DMBT1: variants seen among roughly 807,000 people sequenced by gnomAD.
DMBT1 encodes scavenger receptor cysteine-rich domain-containing protein DMBT1.
In DMBT1, 198 loss-of-function variants were observed where a neutral mutation model predicts 252.9. That is an observed-to-expected ratio of 0.78 (90% CI 0.70 to 0.88). The LOEUF is 0.88. DMBT1 is among the 40% of genes least tolerant of loss of function. DMBT1 has a pLI of 0.00. For synonymous variants in DMBT1, 990 were observed against 942.7 expected, an observed-to-expected ratio of 1.05 and a Z score of -0.92; for missense variants, 2,432 against 2,404.7, an observed-to-expected ratio of 1.01 and a Z score of -0.24.
chr10:122,636,946 G>A (rs1355011073), intron 53 of DMBT1, among the ~76,000 whole-genome samples, 182 bp from the exon 54 acceptor site: 2 of 152,166 alleles, frequency 1.3e-5, no homozygotes, highest in East Asian at 3.8e-4. Context: ...TAAGGATGGG[G>A]CTGACTTGAC....
At chr10:122,566,305 T>G (rs2097590994) in intron 2 of DMBT1, among the ~76,000 whole-genome samples, 1 of 117,068 alleles carries the variant, frequency 8.5e-6, no homozygotes. Context: ...ACCTTTTCTT[T>G]TTTTTTCTTT....
Position 122,599,102 on chromosome 10 carries a change from G to A in DMBT1, c.3280+5G>A. 2 of 1,613,826 alleles carry A rather than the reference G, an allele frequency of 1.2e-6. No individual in the cohort carries two copies. The highest frequency in any genetic ancestry group is 1.7e-6 in the Non-Finnish European group (2 of 1,179,748). On this transcript the variant is annotated splice_donor_5th_base_variant and intron_variant, in intron 26 of 55. Transcript: ENST00000338354. ...ACGCTGGTGTCATCTGCTCAGGTGG[G>A]CCTTCAAGAACTTGGGATCACTCTC... is the stretch of plus-strand genomic sequence containing the variant.
chr10:122,580,587 C>T (rs11528750), intron 10 of DMBT1, among the ~76,000 whole-genome samples: 29,249 of 151,912 alleles, frequency 0.19, 4,368 homozygotes, highest in African/African-American at 0.4. Flanking sequence ...GACTCAGGAA[C>T]ACCTAAGATG....
At chr10:122,578,161 A>G (rs2097729373) in intron 8 of DMBT1, among the ~76,000 whole-genome samples, 1 of 152,206 alleles carries the variant, frequency 6.6e-6, no homozygotes, top group South Asian at 2.1e-4. Context: ...CTTTCTGAGA[A>G]TTGAGGGTGA....
chr10:122,572,062 G>T (rs1277152192), intron 4 of DMBT1, among the ~76,000 whole-genome samples: 1 of 152,212 alleles, frequency 6.6e-6, no homozygotes, highest in Non-Finnish European at 1.5e-5. Flanking sequence ...TGTGTGACTT[G>T]TTGAATAGAG....
At chr10:122,572,229 T>C (rs1324000681) in intron 4 of DMBT1, 85 bp from the exon 5 acceptor site, 1 of 1,573,170 alleles carries the variant, frequency 6.4e-7, no homozygotes, top group African/African-American at 1.4e-5. Context: ...TTTCCAGCCC[T>C]TGCTTCAGAC....
At chr10:122,566,048 C>A in intron 2 of DMBT1, 52 bp downstream of exon 2, 4 of 1,593,654 alleles carry the variant, frequency 2.5e-6, no homozygotes, top group Middle Eastern at 1.7e-4. Context: ...CAGTTCTCCT[C>A]TGCTACTGTT....
chr10:122,590,162 T>A (rs1220472947), intron 17 of DMBT1, among the ~76,000 whole-genome samples: 1 of 148,578 alleles, frequency 6.7e-6, no homozygotes, highest in African/African-American at 2.4e-5. Flanking sequence ...GGAGTGCAGA[T>A]CTGTGTCTGT....
chr10:122,622,589 C>A (rs1340319702), intron 44 of DMBT1, among the ~76,000 whole-genome samples: 1 of 152,164 alleles, frequency 6.6e-6, no homozygotes. Context: ...CTATATCCCA[C>A]CAGGAGAAGG....
intron 25 of DMBT1, 90 bp from the exon 26 acceptor site, chr10:122,598,684 G>C (rs894860423): frequency 3.8e-6 from 6 of 1,593,732 alleles, no homozygotes; most frequent in Non-Finnish European, 5.1e-6. Context: ...GGTGACTTTA[G>C]CCATTAGGAC....
chr10:122,620,388 T>A, intron 43 of DMBT1, 97 bp downstream of exon 43: 1 of 1,427,210 alleles, frequency 7.0e-7, no homozygotes, highest in Non-Finnish European at 9.8e-7. Context: ...CTGGCGCCTC[T>A]GTTTTTCATG....
chr10:122,634,459 TCTC>T (rs2098207282), intron 52 of DMBT1, among the ~76,000 whole-genome samples: 1 of 102,830 alleles, frequency 9.7e-6, no homozygotes, highest in Admixed American at 1.0e-4. Context: ...TCTCTCTCTC[TCTC>T]TCTCTCTCTC....
At position 122,576,303 on chromosome 10, in the gene DMBT1, A is replaced by T. The variant is rs116893311; in HGVS notation, c.284-96A>T. ...AGCCCAATTAGAGATTCTCTCAAAG[A>T]TATCTGCCTATGGGGAAGACCCTGA... On this transcript the variant is annotated intron_variant, in intron 6 of 55. Transcript: ENST00000338354. The T allele has an allele frequency of 7.3e-3, 10,973 of 1,497,704 alleles. 49 individuals are homozygous for T. Among genetic ancestry groups the T allele is most frequent in the Non-Finnish European group, 8.6e-3 (9,471 of 1,104,958 alleles). The allele number at this position is 1,497,704 out of a possible 1,614,324, so 92.8% of individuals were successfully genotyped here.
intron 1 of DMBT1, among the ~76,000 whole-genome samples, chr10:122,564,962 A>G (rs2097577866): frequency 6.6e-6 from 1 of 152,194 alleles, no homozygotes; most frequent in African/African-American, 2.4e-5. Context: ...CAAGTAGAAA[A>G]TGAAAAAATT....
At chr10:122,580,973 C>T (rs924926109) in intron 11 of DMBT1, 78 bp downstream of exon 11, 3 of 1,551,390 alleles carry the variant, frequency 1.9e-6, no homozygotes, top group African/African-American at 2.8e-5. Flanking sequence ...ACAGAGCTCT[C>T]CTGTTTCTCT....
chr10:122,590,610 C>A, intron 17 of DMBT1, 55 bp from the exon 18 acceptor site: 1 of 1,572,470 alleles, frequency 6.4e-7, no homozygotes, highest in Non-Finnish European at 8.7e-7. Flanking sequence ...TACCTTTGTT[C>A]TGGTTTTGCC....
At chr10:122,573,290 T>C (rs576167014) in intron 5 of DMBT1, among the ~76,000 whole-genome samples, 1 of 130,344 alleles carries the variant, frequency 7.7e-6, no homozygotes, top group Non-Finnish European at 1.6e-5. Context: ...TCTGGAAAGG[T>C]TGGTTTTCTT....
chr10:122,580,474 C>A (rs1482875392), intron 10 of DMBT1, among the ~76,000 whole-genome samples: 1 of 152,324 alleles, frequency 6.6e-6, no homozygotes, highest in East Asian at 1.9e-4. Context: ...GAGGGGAGGG[C>A]AGTCCCCATG....
In DMBT1 at chr10:122,619,411, C is replaced by G. The variant is rs575745388; in HGVS notation, c.5245+74C>G. The G allele has an allele frequency of 1.4e-5, 23 of 1,588,200 alleles. No homozygotes were observed. The African/African-American group carries it at 3.1e-4, about 21-fold the overall frequency. ...GTTACCTCTTCCCCACTCCACAGAG[C>G]TCTCCTGCTTTTCTGTGCGGATACT... On this transcript the variant is annotated intron_variant, in intron 42 of 55. Coordinates refer to ENST00000338354, the MANE Select transcript of DMBT1 (RefSeq NM_001377530.1).
Sources: gnomAD v4.1 joint callset for allele counts (sites outside exome capture counted in the v4.1 genomes callset) on GRCh38, gnomAD v4.1.1 for gene constraint, MANE v1.5 for transcripts, NCBI Gene and HGNC (gene_info 2026-07-23, HGNC 2026-07-21) for gene names.